The following GOPC variants were observed in gnomAD, a reference collection of about 807,000 sequenced individuals.
GOPC encodes the protein golgi associated PDZ and coiled-coil motif containing.
Under a neutral mutation model 51.2 loss-of-function variants are expected in GOPC, and 32 were observed. The observed-to-expected ratio is 0.63, with a 90% CI of 0.47 to 0.84. The LOEUF (loss-of-function observed/expected upper bound fraction) is 0.84. GOPC is among the 40% of genes least tolerant of loss of function. GOPC has a pLI of 0.00. For synonymous variants in GOPC, 190 were observed against 205.1 expected (o/e 0.93, Z 0.63); for missense variants, 441 against 555.5 (o/e 0.79, Z 2.07).
chr6:117,566,740 C>T (rs1779704613), intron 8 of GOPC, 114 bp downstream of exon 8: 1 of 608,904 alleles, frequency 1.6e-6, no homozygotes, highest in East Asian at 2.9e-5. Flanking sequence ...GAAAGCTCTT[C>T]ATTCCTTTGA....
intron 1 of GOPC, among the ~76,000 whole-genome samples, chr6:117,596,277 T>G (rs1780196365): frequency 6.6e-6 from 1 of 152,200 alleles, no homozygotes; most frequent in Admixed American, 6.5e-5. Flanking sequence ...TTGAGTTCCT[T>G]GTAGAGTCTG....
At chr6:117,573,257 C>CA (rs1779832989) in intron 5 of GOPC, among the ~76,000 whole-genome samples, 1 of 152,214 alleles carries the variant, frequency 6.6e-6, no homozygotes, top group South Asian at 2.1e-4. Context: ...TCACTGTCTG[C>CA]AGCACTCTCA....
chr6:117,571,747 T>C (rs943631315), intron 5 of GOPC, among the ~76,000 whole-genome samples: 21 of 152,146 alleles, frequency 1.4e-4, no homozygotes, highest in African/African-American at 5.1e-4. Flanking sequence ...CAGTAATCAA[T>C]ATTGTTACAC....
rs1228133728 is a variant in GOPC at position 117,568,189 on chromosome 6, GAT to G, written c.1078-1157_1078-1156del. On this transcript the variant is annotated intron_variant, in intron 7 of 8. Transcript: ENST00000368498. ...CACTCCAGCCTGGGTGACAAAGTGA[GAT>G]CCTGGCTCCAAAAAAGAAAAAAATG... Among the ~76,000 whole-genome samples the G allele has an allele frequency of 2.0e-5, 3 of 152,152 alleles. No individual in the cohort carries two copies. The East Asian group carries it at 5.8e-4, about 29-fold the overall frequency.
intron 7 of GOPC, among the ~76,000 whole-genome samples, chr6:117,569,177 T>C (rs1779757561): frequency 6.6e-6 from 1 of 152,222 alleles, no homozygotes; most frequent in Non-Finnish European, 1.5e-5. Flanking sequence ...CTAAAATCAA[T>C]CTACTTCTAG....
At chr6:117,576,784 G>A (rs961635010) in intron 3 of GOPC, among the ~76,000 whole-genome samples, 13 of 151,894 alleles carry the variant, frequency 8.6e-5, no homozygotes, top group Admixed American at 5.9e-4. Context: ...AATTTTCTTG[G>A]TTCTTAGTTA....
In GOPC at chr6:117,575,447, C is replaced by T. The variant is rs1675621495; in HGVS notation, c.475-95G>A. 1.9e-5 allele frequency: 17 copies of T among 894,150 alleles called. No individual in the cohort carries two copies. In the South Asian group the frequency reaches 2.3e-4, roughly 12 times the overall value. 55.4% of individuals were successfully genotyped at this position (894,150 alleles called of 1,614,324 possible). On this transcript the variant is annotated intron_variant, in intron 3 of 8. Transcript: ENST00000368498. ...AAATGCACAAAAGCCTACAGTTCAA[C>T]AATGTATCATCTCTATAAAATGGAA...
chr6:117,600,441 G>A (rs926815073), intron 1 of GOPC, among the ~76,000 whole-genome samples: 1 of 152,140 alleles, frequency 6.6e-6, no homozygotes, highest in Non-Finnish European at 1.5e-5. Flanking sequence ...TCCCATACAC[G>A]AAATTTGGGG....
intron 1 of GOPC, among the ~76,000 whole-genome samples, chr6:117,592,895 T>G (rs1412970026): frequency 6.6e-6 from 1 of 152,188 alleles, no homozygotes; most frequent in East Asian, 1.9e-4. Context: ...CCTTCCTTAG[T>G]CTTCAATTTA....
At chr6:117,577,393 C>A in intron 3 of GOPC, 55 bp downstream of exon 3, 2 of 1,477,402 alleles carry the variant, frequency 1.4e-6, no homozygotes, top group Non-Finnish European at 1.9e-6. Flanking sequence ...GCAAATAAAA[C>A]ACTAAGAACA....
chr6:117,585,696 A>T (rs188593108), intron 1 of GOPC, among the ~76,000 whole-genome samples: 1 of 152,356 alleles, frequency 6.6e-6, no homozygotes, highest in Non-Finnish European at 1.5e-5. Context: ...TTCCCCAAAT[A>T]TCAGAACTAG....
intron 7 of GOPC, among the ~76,000 whole-genome samples, chr6:117,568,832 C>T (rs1192133108): frequency 6.6e-6 from 1 of 152,176 alleles, no homozygotes; most frequent in Non-Finnish European, 1.5e-5. Context: ...AAGATTTATG[C>T]ATCATATAGA....
At chr6:117,587,961 A>T (rs1480389825) in intron 1 of GOPC, among the ~76,000 whole-genome samples, 3 of 151,950 alleles carry the variant, frequency 2.0e-5, no homozygotes, top group Non-Finnish European at 4.4e-5. Flanking sequence ...GGGGACTTGG[A>T]ACTCCTGAGT....
At chr6:117,587,089 G>C (rs937636095) in intron 1 of GOPC, among the ~76,000 whole-genome samples, 1 of 152,130 alleles carries the variant, frequency 6.6e-6, no homozygotes, top group African/African-American at 2.4e-5. Context: ...CCTCAAGATA[G>C]GAAATAATAC....
chr6:117,570,082 TA>T (rs1779776988), intron 6 of GOPC, among the ~76,000 whole-genome samples: 1 of 152,106 alleles, frequency 6.6e-6, no homozygotes, highest in African/African-American at 2.4e-5. Flanking sequence ...TCAGAGAAGT[TA>T]AAATATGAAA....
chr6:117,584,724 T>G (rs1010164160), intron 1 of GOPC, among the ~76,000 whole-genome samples: 6 of 151,490 alleles, frequency 4.0e-5, no homozygotes, highest in Non-Finnish European at 5.9e-5. Context: ...TGTTGAAATG[T>G]GATTCCCAAT....
chr6:117,565,823 G>T (rs1326962619), intron 8 of GOPC, among the ~76,000 whole-genome samples: 1 of 152,074 alleles, frequency 6.6e-6, no homozygotes, highest in Non-Finnish European at 1.5e-5. Context: ...TCCATACTTT[G>T]TTAGTCATTC....
rs760911403 is a variant in GOPC at position 117,566,883 on chromosome 6, T to A, written c.1229A>T (p.Asp410Val). 6.9e-6 allele frequency: 11 copies of A among 1,590,272 alleles called. No individual in the cohort carries two copies. The highest frequency in any genetic ancestry group is 9.4e-6 in the Non-Finnish European group (11 of 1,170,978). Residue 410 changes from aspartate (D) to valine (V), a missense_variant, in exon 8 of 9, where the codon GAC becomes GTC. Physicochemically the swap from Asp to Val is radical, Grantham distance 152. Transcript: ENST00000368498. ...TAATACTTTGATTTCCCCACTTGTG[T>A]CTTTGCAACTAGCACCAGGGTTACC... ...GGGNPGASCK[D>V]TSGEIKVLQG...
At chr6:117,598,358 G>A (rs949738923) in intron 1 of GOPC, among the ~76,000 whole-genome samples, 11 of 151,968 alleles carry the variant, frequency 7.2e-5, no homozygotes, top group Non-Finnish European at 7.4e-5. Context: ...GGGTAACAGA[G>A]TGAGGCCCTG....
Sources: gnomAD v4.1 joint callset for allele counts (sites outside exome capture counted in the v4.1 genomes callset) on GRCh38, gnomAD v4.1.1 for gene constraint, MANE v1.5 for transcripts, NCBI Gene and HGNC (gene_info 2026-07-23, HGNC 2026-07-21) for gene names.